The following CDH10 variants were observed in gnomAD, a reference collection of about 807,000 sequenced individuals.
CDH10 encodes the protein cadherin 10, also known as cadherin-10.
CDH10 carries 30 observed loss-of-function variants against 73.1 expected under a neutral mutation model. The ratio of observed to expected loss-of-function variants is 0.41; its 90% CI spans 0.31 to 0.56. The LOEUF (loss-of-function observed/expected upper bound fraction) is 0.56, where lower values mean the gene tolerates loss of function less well. Among genes scored for constraint, CDH10 ranks in the 20% least tolerant of loss-of-function variants. The pLI is 0.27. For missense variants in CDH10, 815 were observed against 973.7 expected (o/e 0.84, Z 2.17); for synonymous variants, 345 against 348.2 (o/e 0.99, Z 0.10).
chr5:24,540,502 C>A (rs1476088953), intron 2 of CDH10, among the ~76,000 whole-genome samples: 1 of 151,832 alleles, frequency 6.6e-6, no homozygotes, highest in Non-Finnish European at 1.5e-5. Context: ...GGACCACATA[C>A]TGTGGGAGTT....
chr5:24,622,627 C>T (rs1703137404), intron 1 of CDH10, among the ~76,000 whole-genome samples: 1 of 152,120 alleles, frequency 6.6e-6, no homozygotes, highest in Non-Finnish European at 1.5e-5. Flanking sequence ...CTTTTGAATA[C>T]AGACTCTAAC....
At chr5:24,571,351 A>G (rs1217091253) in intron 2 of CDH10, among the ~76,000 whole-genome samples, 3 of 152,284 alleles carry the variant, frequency 2.0e-5, no homozygotes, top group Admixed American at 6.5e-5. Context: ...AACTTCAATT[A>G]AGCTAAGAAA....
At chr5:24,550,093 A>C (rs1237625225) in intron 2 of CDH10, among the ~76,000 whole-genome samples, 1 of 152,162 alleles carries the variant, frequency 6.6e-6, no homozygotes, top group Non-Finnish European at 1.5e-5. Flanking sequence ...ATATGTGGTA[A>C]ATATAAATAA....
chr5:24,549,301 T>C (rs1477655312), intron 2 of CDH10, among the ~76,000 whole-genome samples: 1 of 152,046 alleles, frequency 6.6e-6, no homozygotes, highest in Non-Finnish European at 1.5e-5. Flanking sequence ...CAAGAGGAAA[T>C]AGGTAAGAAA....
intron 1 of CDH10, 119 bp from the exon 2 acceptor site, chr5:24,593,732 T>A (rs572279861): frequency 1.3e-5 from 6 of 470,086 alleles, no homozygotes; most frequent in Non-Finnish European, 2.2e-5. Context: ...ATTTTCTTTA[T>A]TTTTCATACA....
intron 2 of CDH10, among the ~76,000 whole-genome samples, chr5:24,589,477 C>G (rs946039251): frequency 2.0e-5 from 3 of 150,408 alleles, no homozygotes; most frequent in Non-Finnish European, 4.4e-5. Context: ...ATGGTTGCCC[C>G]TTTATGTTAC....
chr5:24,563,729 A>C (rs1232162483), intron 2 of CDH10, among the ~76,000 whole-genome samples: 1 of 148,872 alleles, frequency 6.7e-6, no homozygotes, highest in Non-Finnish European at 1.5e-5. Flanking sequence ...GAGATCCTGC[A>C]CTGCACTCCA....
At chr5:24,494,117 A>G (rs1223957677) in intron 9 of CDH10, among the ~76,000 whole-genome samples, 1 of 151,944 alleles carries the variant, frequency 6.6e-6, no homozygotes, top group Non-Finnish European at 1.5e-5. Context: ...GCAGCAAGAA[A>G]AACATCATTT....
At chr5:24,634,882 G>A (rs946192578) in intron 1 of CDH10, among the ~76,000 whole-genome samples, 15 of 151,468 alleles carry the variant, frequency 9.9e-5, no homozygotes, top group South Asian at 2.1e-4. Context: ...TTTTAAAAAC[G>A]TATTTATGAA....
intron 7 of CDH10, 138 bp downstream of exon 7, chr5:24,509,428 A>G: frequency 1.5e-6 from 1 of 646,496 alleles, no homozygotes; most frequent in South Asian, 1.9e-5. Flanking sequence ...TTTAGTAGAG[A>G]CAGGGTTTCA....
chr5:24,535,329 G>T (rs773589697), intron 4 of CDH10, 50 bp from the exon 5 acceptor site: 23 of 1,506,866 alleles, frequency 1.5e-5, no homozygotes, highest in Admixed American at 2.1e-5. Flanking sequence ...AATCTCCATT[G>T]TTATTTTATT....
intron 1 of CDH10, among the ~76,000 whole-genome samples, chr5:24,614,187 T>C (rs1747052378): frequency 6.6e-6 from 1 of 152,182 alleles, no homozygotes; most frequent in African/African-American, 2.4e-5. Flanking sequence ...AATTACTCTC[T>C]ATTGATAGGA....
At chr5:24,499,866 A>G (rs1742426456) in intron 8 of CDH10, among the ~76,000 whole-genome samples, 1 of 152,184 alleles carries the variant, frequency 6.6e-6, no homozygotes, top group Non-Finnish European at 1.5e-5. Flanking sequence ...TACATTTTAA[A>G]TTCAGTTTAC....
chr5:24,564,716 C>A (rs987516411), intron 2 of CDH10, among the ~76,000 whole-genome samples: 6 of 152,180 alleles, frequency 3.9e-5, no homozygotes, highest in African/African-American at 7.2e-5. Flanking sequence ...TTATTTGCAA[C>A]TTTCTTCTAT....
At chr5:24,544,588 T>C (rs1174659716) in intron 2 of CDH10, among the ~76,000 whole-genome samples, 3 of 152,092 alleles carry the variant, frequency 2.0e-5, no homozygotes, top group African/African-American at 4.8e-5. Flanking sequence ...CTGGAGTAAA[T>C]AACTAGGGAT....
At chr5:24,492,973 G>T in intron 9 of CDH10, 48 bp from the exon 10 acceptor site, 1 of 761,266 alleles carries the variant, frequency 1.3e-6, no homozygotes, top group Non-Finnish European at 2.4e-6. Flanking sequence ...CTTATCCATG[G>T]GTATAATCTG....
At chr5:24,514,753 C>A (rs977957346) in intron 5 of CDH10, among the ~76,000 whole-genome samples, 1 of 151,994 alleles carries the variant, frequency 6.6e-6, no homozygotes, top group African/African-American at 2.4e-5. Context: ...TATCTATTCT[C>A]AAAGCTAGAG....
chr5:24,545,029 T>C (rs375298393), intron 2 of CDH10, among the ~76,000 whole-genome samples: 3 of 152,198 alleles, frequency 2.0e-5, no homozygotes, highest in African/African-American at 7.2e-5. Flanking sequence ...ACCCTCCTTC[T>C]AAGTTCTTAA....
At chr5:24,497,740 C>T (rs562105750) in intron 9 of CDH10, among the ~76,000 whole-genome samples, 1 of 152,212 alleles carries the variant, frequency 6.6e-6, no homozygotes, top group East Asian at 1.9e-4. Context: ...AGCACTCAAA[C>T]CAATTAAGAG....
Sources: allele counts gnomAD v4.1 joint callset (sites outside exome capture counted in the v4.1 genomes callset), GRCh38; gene constraint gnomAD v4.1.1; transcripts MANE v1.5; gene names NCBI Gene and HGNC (gene_info 2026-07-23, HGNC 2026-07-21).